The following CREBBP variants were observed in gnomAD, a reference collection of about 807,000 sequenced individuals.
CREBBP encodes CREB-binding protein.
Under a neutral mutation model 265.0 loss-of-function variants are expected in CREBBP, and 19 were observed. The observed-to-expected ratio is 0.07, with a 90% CI of 0.05 to 0.11. The LOEUF is 0.11. Among genes scored for constraint, CREBBP ranks in the 10% least tolerant of loss-of-function variants. CREBBP has a pLI of 1.00. For synonymous variants in CREBBP, 1,457 were observed against 1,223.7 expected (o/e 1.19, Z -3.98); for missense variants, 2,525 against 3,219.0 (o/e 0.78, Z 5.22).
intron 1 of CREBBP, among the ~76,000 whole-genome samples, chr16:3,868,363 T>A (rs1281516603): frequency 2.0e-5 from 3 of 149,880 alleles, no homozygotes; most frequent in Admixed American, 2.0e-4. Flanking sequence ...GGGGCCCTTT[T>A]CCTGCCAAAA....
intron 5 of CREBBP, among the ~76,000 whole-genome samples, chr16:3,786,575 G>A (rs374131533): frequency 2.6e-5 from 4 of 152,202 alleles, no homozygotes; most frequent in Non-Finnish European, 4.4e-5. Flanking sequence ...CAGAGCAGTA[G>A]TTGCTACAGC....
rs2151297580 is a variant in CREBBP at position 3,727,678 on chromosome 16, T to C, written c.*40A>G. 1.9e-6 allele frequency: 3 copies of C among 1,612,998 alleles called. No homozygotes were observed. Among genetic ancestry groups the C allele is most frequent in the Non-Finnish European group, 2.5e-6 (3 of 1,179,948 alleles). On this transcript the variant is annotated 3_prime_UTR_variant, in exon 31 of 31. Coordinates refer to ENST00000262367, the MANE Select transcript of CREBBP (RefSeq NM_004380.3). ...ATGCCTGGATTTTCAGTACAAAAGG[T>C]CCAAGAACATGAAAGGGAAAAGGTG...
In CREBBP at chr16:3,749,791, G is replaced by A. The variant is rs1056021932; in HGVS notation, c.3780-108C>T. The A allele has an allele frequency of 1.2e-5, 8 of 695,204 alleles. No homozygotes were observed. The African/African-American group carries it at 1.4e-4, about 13-fold the overall frequency. 43.1% of individuals were successfully genotyped at this position (695,204 alleles called of 1,614,324 possible). A position where few individuals can be genotyped will look rare whatever the true frequency, so the allele number is the denominator to read the frequency against. On this transcript the variant is annotated intron_variant, in intron 20 of 30. Coordinates refer to ENST00000262367, the MANE Select transcript of CREBBP (RefSeq NM_004380.3). Reference sequence around the variant, plus strand: ...TTGTAACTAGTTCTTCAAACAAAAAGACATGATGGCCCCTTAAAATCTCAA... The same window carrying A: ...TTGTAACTAGTTCTTCAAACAAAAAAACATGATGGCCCCTTAAAATCTCAA...
intron 1 of CREBBP, among the ~76,000 whole-genome samples, chr16:3,879,232 G>GCA (rs1385879709): frequency 5.2e-5 from 1 of 19,158 alleles, no homozygotes; most frequent in African/African-American, 8.9e-5. Flanking sequence ...ACACACACGC[G>GCA]CGCACACACA....
intron 3 of CREBBP, among the ~76,000 whole-genome samples, chr16:3,794,331 CAAAAAAAAAAAAAAAAAA>C (rs746656673): frequency 7.6e-5 from 3 of 39,594 alleles, no homozygotes; most frequent in Non-Finnish European, 1.4e-4. Context: ...GACTCCGTCT[CAAAAAAAAAAAAAAAAAA>C]AAAAAAAAAA....
chr16:3,739,343 G>A, intron 25 of CREBBP: 1 of 564,926 alleles, frequency 1.8e-6, no homozygotes, highest in South Asian at 2.0e-5. Context: ...CGTTAGGTAA[G>A]AGCGGGTCCC....
At chr16:3,828,117 G>A (rs192863798) in intron 2 of CREBBP, among the ~76,000 whole-genome samples, 30 of 152,022 alleles carry the variant, frequency 2.0e-4, no homozygotes, top group Admixed American at 2.0e-3. Flanking sequence ...TTGAGACAGA[G>A]TCTCTCGCTC....
intron 27 of CREBBP, 156 bp from the exon 28 acceptor site, chr16:3,736,359 T>C (rs2052060518): frequency 2.5e-6 from 2 of 784,452 alleles, no homozygotes; most frequent in Non-Finnish European, 4.2e-6. Context: ...CCCCCACACA[T>C]GTGCACCCCC....
chr16:3,787,639 TTG>T (rs1373260609), intron 5 of CREBBP, among the ~76,000 whole-genome samples: 2 of 149,496 alleles, frequency 1.3e-5, no homozygotes, highest in African/African-American at 4.9e-5. Context: ...GTTTTTTTTT[TTG>T]TTTTGTTTTG....
intron 24 of CREBBP, among the ~76,000 whole-genome samples, 188 bp downstream of exon 24, chr16:3,740,211 T>C (rs2052168251): frequency 6.6e-6 from 1 of 152,220 alleles, no homozygotes; most frequent in African/African-American, 2.4e-5. Flanking sequence ...TCAAAATAGC[T>C]TACTGCACTG....
At chr16:3,734,500 T>A (rs1056534613) in intron 28 of CREBBP, among the ~76,000 whole-genome samples, 2 of 152,086 alleles carry the variant, frequency 1.3e-5, no homozygotes, top group Non-Finnish European at 2.9e-5. Context: ...TGCCCCCTCC[T>A]GGGGTGGAAC....
At chr16:3,775,428 C>G (rs2053114159) in intron 11 of CREBBP, among the ~76,000 whole-genome samples, 1 of 152,164 alleles carries the variant, frequency 6.6e-6, no homozygotes, top group African/African-American at 2.4e-5. Context: ...TCTAAAGAAG[C>G]ACCAGTTCAA....
intron 2 of CREBBP, among the ~76,000 whole-genome samples, chr16:3,838,400 C>T (rs1368392854): frequency 6.6e-6 from 1 of 152,148 alleles, no homozygotes; most frequent in Non-Finnish European, 1.5e-5. Context: ...TGATGCATTT[C>T]ACCCCCATCA....
rs766849648 is a variant in CREBBP, at chr16:3,770,640, G to C, written c.2810C>G (p.Pro937Arg). Residue 937 changes from proline (P) to arginine (R), a missense_variant, in exon 14 of 31, where the codon CCG becomes CGG. This residue lies in a region of CREBBP where 548 missense variants were observed against 533.0 expected (regional missense o/e 1.03). Coordinates refer to ENST00000262367, the MANE Select transcript of CREBBP (RefSeq NM_004380.3). Reference sequence around the variant, plus strand: ...CGATGACTGAGGGGTAGCCACAGACGGGGGCTGAACTGGGGTTTGAGGCTG... The same window carrying C: ...CGATGACTGAGGGGTAGCCACAGACCGGGGCTGAACTGGGGTTTGAGGCTG... ...TPQPQTPVQP[P>R]SVATPQSSQQ... 1.2e-6 allele frequency: 2 copies of C among 1,613,924 alleles called. No individual in the cohort carries two copies. The highest frequency in any genetic ancestry group is 1.7e-6 in the Non-Finnish European group (2 of 1,180,010).
intron 3 of CREBBP, among the ~76,000 whole-genome samples, chr16:3,806,368 C>T (rs2053830251): frequency 6.6e-6 from 1 of 152,022 alleles, no homozygotes; most frequent in East Asian, 1.9e-4. Context: ...CGTAACATCA[C>T]TCATGAGCAA....
At chr16:3,874,587 A>ATGCG (rs2055362579) in intron 1 of CREBBP, among the ~76,000 whole-genome samples, 1 of 152,230 alleles carries the variant, frequency 6.6e-6, no homozygotes, top group Non-Finnish European at 1.5e-5. Context: ...AGAAAGCCAA[A>ATGCG]TGCGTGCTCT....
rs1330403863 is a variant in CREBBP at position 3,797,798 on chromosome 16, A to C, written c.976-4172T>G. 3.9e-5 allele frequency among the ~76,000 whole-genome samples: 6 copies of C among 152,278 alleles called. 1 individual carries two copies. In the South Asian group the frequency reaches 1.2e-3, roughly 32 times the overall value. On this transcript the variant is annotated intron_variant, in intron 3 of 30. Transcript: ENST00000262367. The stretch of plus-strand genomic sequence containing the variant: ...TTTAAAAAAAAAAAAATTCACATGA[A>C]CTAAAGTGAATAAAAATGGCTTAAA...
intron 3 of CREBBP, among the ~76,000 whole-genome samples, chr16:3,805,573 G>A (rs1462138036): frequency 6.6e-6 from 1 of 152,174 alleles, no homozygotes; most frequent in Non-Finnish European, 1.5e-5. Flanking sequence ...TGGCGTTCAC[G>A]AAGCTTAACC....
intron 16 of CREBBP, 61 bp downstream of exon 16, chr16:3,767,659 T>C (rs770418076): frequency 2.0e-5 from 32 of 1,604,946 alleles, no homozygotes; most frequent in Admixed American, 8.4e-5. Flanking sequence ...ATCCTCCACA[T>C]GGAATCCTAA....
Sources: allele counts gnomAD v4.1 joint callset (sites outside exome capture counted in the v4.1 genomes callset), GRCh38; gene constraint gnomAD v4.1.1; regional missense constraint gnomAD v4.1.1; transcripts MANE v1.5; gene names NCBI Gene and HGNC (gene_info 2026-07-23, HGNC 2026-07-21).